Variants in PCBP3 observed in about 807,000 individuals in gnomAD.
PCBP3 encodes the protein poly(rC)-binding protein 3.
In PCBP3, 25 loss-of-function variants were observed where a neutral mutation model predicts 52.7. The observed-to-expected ratio is 0.47, with a 90% CI of 0.35 to 0.66. PCBP3 has a LOEUF of 0.66. PCBP3 is among the 30% of genes least tolerant of loss of function. The probability of loss-of-function intolerance (pLI) is 0.01; values close to 1 mark genes in which losing one functional copy is unlikely to be tolerated. For synonymous variants in PCBP3, 162 were observed against 183.0 expected (o/e 0.89, Z 0.93); for missense variants, 391 against 490.3 (o/e 0.80, Z 1.91).
At chr21:45,814,779 T>A (rs536932578) in intron 4 of PCBP3, among the ~76,000 whole-genome samples, 159 of 126,448 alleles carry the variant, frequency 1.3e-3, no homozygotes, top group African/African-American at 4.7e-3. Context: ...GAGTGGTGAG[T>A]GATGAGTGGT....
intron 2 of PCBP3, among the ~76,000 whole-genome samples, chr21:45,698,984 A>G (rs1301196145): frequency 6.6e-6 from 1 of 152,170 alleles, no homozygotes; most frequent in African/African-American, 2.4e-5. Flanking sequence ...CTTTTCTCCA[A>G]TAGCAAGCTA....
chr21:45,730,552 G>A (rs1052357741), intron 2 of PCBP3, among the ~76,000 whole-genome samples: 2 of 152,040 alleles, frequency 1.3e-5, no homozygotes, highest in African/African-American at 4.8e-5. Flanking sequence ...AATAATGTTG[G>A]ATGATAATGT....
chr21:45,887,276 G>A (rs996484472), intron 5 of PCBP3, among the ~76,000 whole-genome samples: 29 of 152,264 alleles, frequency 1.9e-4, no homozygotes, highest in African/African-American at 7.0e-4. Flanking sequence ...TTAGCAGGAA[G>A]GATTGGGAAG....
intron 5 of PCBP3, 131 bp downstream of exon 5, chr21:45,850,226 CAATG>C: frequency 1.3e-6 from 1 of 777,646 alleles, no homozygotes; most frequent in Admixed American, 2.0e-5. Context: ...CTTCAGTCCA[CAATG>C]TGCCCTGAAG....
intron 2 of PCBP3, among the ~76,000 whole-genome samples, chr21:45,710,445 G>A (rs2083756228): frequency 6.6e-6 from 1 of 152,052 alleles, no homozygotes; most frequent in Non-Finnish European, 1.5e-5. Context: ...TGAGAATGAT[G>A]GTTTCCAGCT....
intron 2 of PCBP3, among the ~76,000 whole-genome samples, chr21:45,722,869 T>A (rs1263626036): frequency 6.6e-6 from 1 of 151,650 alleles, no homozygotes; most frequent in African/African-American, 2.4e-5. Flanking sequence ...AAAAATTAGC[T>A]GGGCGTGGTG....
At chr21:45,844,915 TTATATA>T (rs1202648459) in intron 4 of PCBP3, among the ~76,000 whole-genome samples, 1 of 150,678 alleles carries the variant, frequency 6.6e-6, no homozygotes, top group Non-Finnish European at 1.5e-5. Context: ...TATGCTTTAT[TTATATA>T]TATAGTTTAC....
At chr21:45,751,150 G>A (rs2087454493) in intron 3 of PCBP3, 1 of 152,142 alleles carries the variant, frequency 6.6e-6, no homozygotes, top group African/African-American at 2.4e-5. Flanking sequence ...AAACACTACA[G>A]GCCGGGTCCT....
Position 45,930,770 on chromosome 21 carries a change from C to T in PCBP3, c.797-16C>T. 8.9e-7 allele frequency: 1 copy of T among 1,125,782 alleles called. No individual in the cohort carries two copies. The highest frequency in any genetic ancestry group is 1.4e-6 in the Non-Finnish European group (1 of 734,134). 69.7% of individuals were successfully genotyped at this position (1,125,782 alleles called of 1,614,324 possible). On this transcript the variant is annotated splice_polypyrimidine_tract_variant and intron_variant, in intron 14 of 17. Coordinates refer to ENST00000681687, the MANE Select transcript of PCBP3 (RefSeq NM_001384156.1). The stretch of plus-strand genomic sequence containing the variant: ...TGAGGGCAAAACATTAAACCTGTCT[C>T]TTCTTTGCTCTCCAGGAGAAAAGCT...
chr21:45,910,813 C>A, intron 10 of PCBP3, 89 bp from the exon 11 acceptor site: 1 of 1,343,568 alleles, frequency 7.4e-7, no homozygotes, highest in East Asian at 2.4e-5. Flanking sequence ...AAGTGTCCCC[C>A]GAGCTGCCTT....
chr21:45,784,635 A>G (rs2090960115), intron 4 of PCBP3, among the ~76,000 whole-genome samples: 1 of 152,026 alleles, frequency 6.6e-6, no homozygotes, highest in Admixed American at 6.6e-5. Flanking sequence ...TGGTTTTCGT[A>G]TTTTTTGGGT....
intron 4 of PCBP3, among the ~76,000 whole-genome samples, chr21:45,824,906 A>G (rs1393647463): frequency 6.6e-6 from 1 of 152,238 alleles, no homozygotes; most frequent in Non-Finnish European, 1.5e-5. Flanking sequence ...TAAAAAGTGG[A>G]ACAGCCCAGG....
intron 5 of PCBP3, chr21:45,894,008 G>A (rs569491674): frequency 2.0e-6 from 2 of 985,464 alleles, no homozygotes; most frequent in Non-Finnish European, 2.4e-6. Flanking sequence ...TTTGCAGACG[G>A]CATGGACGGG....
At chr21:45,798,841 G>C (rs919643020) in intron 4 of PCBP3, among the ~76,000 whole-genome samples, 3 of 149,214 alleles carry the variant, frequency 2.0e-5, no homozygotes, top group Non-Finnish European at 3.0e-5. Context: ...TAGAGAGAGT[G>C]AATGGATGTG....
chr21:45,832,074 G>A (rs988337203), intron 4 of PCBP3, among the ~76,000 whole-genome samples: 3 of 152,180 alleles, frequency 2.0e-5, no homozygotes, highest in African/African-American at 4.8e-5. Context: ...GAGCAGCCCC[G>A]AGGGCTGCTG....
chr21:45,807,428 T>G (rs1353922948), intron 4 of PCBP3, among the ~76,000 whole-genome samples: 1 of 152,154 alleles, frequency 6.6e-6, no homozygotes, highest in Non-Finnish European at 1.5e-5. Context: ...TGAACTCCCA[T>G]TCACAATTGC....
At chr21:45,784,899 T>G (rs1325162866) in intron 4 of PCBP3, among the ~76,000 whole-genome samples, 7 of 150,310 alleles carry the variant, frequency 4.7e-5, no homozygotes, top group Non-Finnish European at 7.4e-5. Flanking sequence ...TGGGAAGTGA[T>G]GAGTGTCTCT....
intron 5 of PCBP3, among the ~76,000 whole-genome samples, chr21:45,893,356 A>AT (rs1011972202): frequency 2.6e-5 from 4 of 151,446 alleles, no homozygotes; most frequent in Admixed American, 2.0e-4. Context: ...AAAAGCTCAG[A>AT]TTGTGCCTCA....
At chr21:45,786,238 A>G (rs2091150674) in intron 4 of PCBP3, among the ~76,000 whole-genome samples, 1 of 149,938 alleles carries the variant, frequency 6.7e-6, no homozygotes, top group Admixed American at 6.6e-5. Flanking sequence ...GCATAACAGG[A>G]GAGAGTCTTG....
Sources: gnomAD v4.1 joint callset for allele counts (sites outside exome capture counted in the v4.1 genomes callset) on GRCh38, gnomAD v4.1.1 for gene constraint, MANE v1.5 for transcripts, NCBI Gene and HGNC (gene_info 2026-07-23, HGNC 2026-07-21) for gene names.